Variants in CPS1 observed in about 807,000 individuals in gnomAD.
The protein encoded by CPS1 is carbamoyl-phosphate synthase [ammonia], mitochondrial.
Under a neutral mutation model 174.6 loss-of-function variants are expected in CPS1, and 109 were observed. The ratio of observed to expected loss-of-function variants is 0.62; its 90% CI spans 0.53 to 0.73. CPS1 has a LOEUF of 0.73. Ranked by LOEUF, CPS1 falls within the 30% of genes least tolerant of loss-of-function variation. The probability of loss-of-function intolerance (pLI) is 0.00; values close to 1 mark genes in which losing one functional copy is unlikely to be tolerated. For missense variants in CPS1, 1,689 were observed against 1,821.9 expected (o/e 0.93, Z 1.33); for synonymous variants, 637 against 632.0 (o/e 1.01, Z -0.12).
chr2:210,656,407 G>C, intron 29 of CPS1, 118 bp from the exon 30 acceptor site: 1 of 735,036 alleles, frequency 1.4e-6, no homozygotes, highest in Non-Finnish European at 2.5e-6. Flanking sequence ...ATGTAGCAAG[G>C]GAACTACTTA....
chr2:210,658,807 C>G, intron 31 of CPS1, 119 bp downstream of exon 31: 1 of 743,324 alleles, frequency 1.3e-6, no homozygotes, highest in Non-Finnish European at 2.4e-6. Flanking sequence ...ACCCCTGGAT[C>G]TGTTTGTGTC....
In CPS1 at chr2:210,502,422, TATAA is replaced by T. The variant is rs201600681; in HGVS notation, c.3+24658_3+24661del. On this transcript the variant is annotated intron_variant, in intron 1 of 38. Transcript: ENST00000430249. Reference sequence around the variant, plus strand: ...ATATTTTATATATATATAATATATATATAAAAGAGAGATATAGAGATATCTATGA... The same window carrying T: ...ATATTTTATATATATATAATATATATAAGAGAGATATAGAGATATCTATGA... Among the ~76,000 whole-genome samples, 79 of 146,286 alleles carry T rather than the reference TATAA, an allele frequency of 5.4e-4. 2 individuals carry two copies. In the East Asian group the frequency reaches 0.01, roughly 19 times the overall value.
rs577708649 is a variant in CPS1 at position 210,658,825 on chromosome 2, G to A, written c.3756+137G>A. 5.7e-6 allele frequency: 4 copies of A among 707,520 alleles called. No homozygotes were observed. The East Asian group carries it at 1.1e-4, about 20-fold the overall frequency. 43.8% of individuals were successfully genotyped at this position (707,520 alleles called of 1,614,324 possible). ...CCTGGATCTGTTTGTGTCTGAGTGT[G>A]GAATGATGCATAGCATATAATGTCT... On this transcript the variant is annotated intron_variant, in intron 31 of 37. Transcript: ENST00000233072.
At chr2:210,482,566 G>C (rs890528200) in intron 1 of CPS1, among the ~76,000 whole-genome samples, 1 of 151,930 alleles carries the variant, frequency 6.6e-6, no homozygotes, top group Non-Finnish European at 1.5e-5. Context: ...CAAAGTACTG[G>C]AATTACAGAT....
chr2:210,660,447 C>T, intron 31 of CPS1, 38 bp from the exon 32 acceptor site: 1 of 1,596,602 alleles, frequency 6.3e-7, no homozygotes, highest in African/African-American at 1.3e-5. Flanking sequence ...TACTGGCTCT[C>T]AATGTCCTCT....
At position 210,477,704 on chromosome 2, in the gene CPS1, C is replaced by T. The variant is rs1476106110; in HGVS notation, c.-60C>T. ...TTTGCTCTTTTAAAATAGTTGCTTTCTTAGGAAATGTAGTTGCTTTCTTAA... is the reference window on the plus strand; with the variant it reads ...TTTGCTCTTTTAAAATAGTTGCTTTTTTAGGAAATGTAGTTGCTTTCTTAA... On this transcript the variant is annotated 5_prime_UTR_variant, in exon 1 of 39. Transcript: ENST00000430249. 39 of 1,606,812 alleles carry T rather than the reference C, an allele frequency of 2.4e-5. No individual in the cohort carries two copies. In the Middle Eastern group the frequency reaches 4.9e-4, roughly 20 times the overall value.
intron 21 of CPS1, among the ~76,000 whole-genome samples, chr2:210,621,200 A>G (rs1699515207): frequency 6.6e-6 from 1 of 152,048 alleles, no homozygotes; most frequent in Non-Finnish European, 1.5e-5. Flanking sequence ...GCATTAACTG[A>G]CCTAGGGTGA....
chr2:210,577,634 G>A (rs1697758681), intron 4 of CPS1, 124 bp downstream of exon 4: 2 of 793,650 alleles, frequency 2.5e-6, no homozygotes, highest in Non-Finnish European at 4.5e-6. Flanking sequence ...TTCAGAGAGG[G>A]ATTCCTTCTC....
chr2:210,575,515 T>TGC (rs1014794247), intron 2 of CPS1, among the ~76,000 whole-genome samples: 3 of 89,468 alleles, frequency 3.4e-5, no homozygotes, highest in African/African-American at 1.7e-4. Flanking sequence ...GATATGTATA[T>TGC]GCACACACAC....
chr2:210,493,067 A>G (rs896696373), intron 1 of CPS1, among the ~76,000 whole-genome samples: 2 of 152,320 alleles, frequency 1.3e-5, no homozygotes, highest in Middle Eastern at 3.4e-3. Flanking sequence ...TGGTGCCTGC[A>G]TTTATATTTG....
chr2:210,506,845 T>C (rs1476560064), intron 1 of CPS1, among the ~76,000 whole-genome samples: 2 of 152,060 alleles, frequency 1.3e-5, no homozygotes, highest in Non-Finnish European at 2.9e-5. Flanking sequence ...TAAAAAGAAA[T>C]GAACAAAGCC....
chr2:210,551,664 C>T (rs1696734441), upstream of CPS1, among the ~76,000 whole-genome samples: 1 of 151,786 alleles, frequency 6.6e-6, no homozygotes, highest in Non-Finnish European at 1.5e-5. Context: ...CTTCATTTTT[C>T]ACCTTCTTTT....
At chr2:210,650,096 A>C (rs907556103) in intron 27 of CPS1, among the ~76,000 whole-genome samples, 2 of 152,124 alleles carry the variant, frequency 1.3e-5, no homozygotes, top group African/African-American at 2.4e-5. Flanking sequence ...GAGAAGTATA[A>C]TTTCTAGAGC....
chr2:210,492,072 C>T (rs1173109129), intron 1 of CPS1, among the ~76,000 whole-genome samples: 1 of 152,174 alleles, frequency 6.6e-6, no homozygotes, highest in East Asian at 1.9e-4. Flanking sequence ...AGATTGTGGC[C>T]TACCAATATA....
At chr2:210,558,193 A>C (rs1696981024) in intron 1 of CPS1, among the ~76,000 whole-genome samples, 1 of 152,040 alleles carries the variant, frequency 6.6e-6, no homozygotes, top group South Asian at 2.1e-4. Flanking sequence ...GAAAACCAGA[A>C]AGGAAAATGT....
chr2:210,616,556 C>A lies in CPS1; in HGVS notation c.2687+15C>A. On this transcript the variant is annotated intron_variant, in intron 21 of 37. Transcript: ENST00000233072. Reference sequence around the variant, plus strand: ...GGCCTCAACAGGTAAGGCAGTGCTGCTCTCATTCATGCCAGACACCTTCAG... The same window carrying A: ...GGCCTCAACAGGTAAGGCAGTGCTGATCTCATTCATGCCAGACACCTTCAG... 6.9e-7 allele frequency: 1 copy of A among 1,454,490 alleles called. No homozygotes were observed. The highest frequency in any genetic ancestry group is 9.7e-7 in the Non-Finnish European group (1 of 1,036,116). 90.1% of individuals were successfully genotyped at this position (1,454,490 alleles called of 1,614,324 possible).
upstream of CPS1, among the ~76,000 whole-genome samples, chr2:210,555,872 A>G (rs1260308315): frequency 6.6e-6 from 1 of 152,148 alleles, no homozygotes; most frequent in Non-Finnish European, 1.5e-5. Context: ...AAAATTTTAT[A>G]TATAACATTT....
At chr2:210,528,814 CTT>C (rs779266955) in intron 1 of CPS1, among the ~76,000 whole-genome samples, 10 of 117,646 alleles carry the variant, frequency 8.5e-5, no homozygotes, top group Admixed American at 3.6e-4. Context: ...ATCAAGACAA[CTT>C]TTTTTTTTTT....
intron 1 of CPS1, among the ~76,000 whole-genome samples, chr2:210,540,028 C>T (rs77505372): frequency 0.013 from 1,918 of 152,236 alleles, 36 homozygotes; most frequent in African/African-American, 0.043. Context: ...AAATAAAGGA[C>T]GCTGATGTGA....
Sources: gnomAD v4.1 joint callset for allele counts (sites outside exome capture counted in the v4.1 genomes callset) on GRCh38, gnomAD v4.1.1 for gene constraint, MANE v1.5 for transcripts, NCBI Gene and HGNC (gene_info 2026-07-23, HGNC 2026-07-21) for gene names.